Variants in RAB38 observed in about 807,000 individuals in gnomAD.
RAB38 encodes the protein RAB38, member RAS oncogene family.
Under a neutral mutation model 18.4 loss-of-function variants are expected in RAB38, and 15 were observed. The ratio of observed to expected loss-of-function variants is 0.82; its 90% CI spans 0.55 to 1.26. RAB38 has a LOEUF of 1.26. Among genes scored for constraint, RAB38 ranks in the 50% most tolerant of loss-of-function variants. The pLI is 0.00. For missense variants in RAB38, 294 were observed against 267.4 expected, an observed-to-expected ratio of 1.10 and a Z score of -0.69; for synonymous variants, 101 against 104.4, an observed-to-expected ratio of 0.97 and a Z score of 0.20.
chr11:88,151,722 T>A (rs573246307), intron 1 of RAB38, among the ~76,000 whole-genome samples: 11 of 152,340 alleles, frequency 7.2e-5, no homozygotes, highest in Admixed American at 6.5e-4. Context: ...TAAGTTTTAA[T>A]TCAAGTTAGC....
chr11:87,860,433 A>G, the RAB38 span, among the ~76,000 whole-genome samples: 2 of 152,150 alleles, frequency 1.3e-5, no homozygotes, highest in South Asian at 2.1e-4. Flanking sequence ...AAGTTTACAG[A>G]ATAATTGATA....
intron 2 of RAB38, among the ~76,000 whole-genome samples, chr11:88,135,608 T>G (rs899381284): frequency 2.0e-5 from 3 of 152,214 alleles, no homozygotes; most frequent in Non-Finnish European, 4.4e-5. Flanking sequence ...TCAACTCTGA[T>G]AGTTTGCATT....
chr11:88,035,025 G>A, the RAB38 span, among the ~76,000 whole-genome samples: 1 of 152,130 alleles, frequency 6.6e-6, no homozygotes, highest in Non-Finnish European at 1.5e-5. Context: ...CACTTTCTCT[G>A]GATGTGTAGT....
chr11:87,859,347 G>A, the RAB38 span, among the ~76,000 whole-genome samples: 17 of 151,840 alleles, frequency 1.1e-4, no homozygotes, highest in African/African-American at 3.9e-4. Flanking sequence ...GAAAAAGGGT[G>A]GTTTGTAAAA....
chr11:88,046,222 G>C, the RAB38 span, among the ~76,000 whole-genome samples: 4 of 152,060 alleles, frequency 2.6e-5, no homozygotes, highest in African/African-American at 9.7e-5. Context: ...TGTTATCACT[G>C]GCCTGCTACA....
At chr11:87,949,588 TATCTTTGTTCTCATTGGTTTCAAAGAAC>T in the RAB38 span, among the ~76,000 whole-genome samples, 1 of 152,240 alleles carries the variant, frequency 6.6e-6, no homozygotes, top group African/African-American at 2.4e-5. Flanking sequence ...TGGTATGTTG[TATCTTTGTTCTCATTGGTTTCAAAGAAC>T]ATCTTTATTT....
chr11:87,857,882 T>A, the RAB38 span, among the ~76,000 whole-genome samples: 149 of 152,334 alleles, frequency 9.8e-4, no homozygotes, highest in African/African-American at 3.5e-3. Flanking sequence ...ATCCCATTTG[T>A]CAATTTTGGC....
chr11:88,130,820 A>G (rs1037560282), intron 2 of RAB38, among the ~76,000 whole-genome samples: 3 of 152,192 alleles, frequency 2.0e-5, no homozygotes, highest in Non-Finnish European at 4.4e-5. Flanking sequence ...GAAGTCATAA[A>G]AGGCATACTT....
chr11:87,943,746 G>T, the RAB38 span, among the ~76,000 whole-genome samples: 1 of 152,024 alleles, frequency 6.6e-6, no homozygotes, highest in South Asian at 2.1e-4. Context: ...GAAGGATGTG[G>T]CAGTTTTTCA....
the RAB38 span, among the ~76,000 whole-genome samples, chr11:87,806,722 T>C: frequency 1.3e-5 from 2 of 152,204 alleles, no homozygotes; most frequent in Non-Finnish European, 1.5e-5. Context: ...CAGAGTAAGG[T>C]AAAATATTTA....
At chr11:88,062,432 T>C in the RAB38 span, among the ~76,000 whole-genome samples, 1 of 152,230 alleles carries the variant, frequency 6.6e-6, no homozygotes, top group Non-Finnish European at 1.5e-5. Context: ...CTTTTCTTTA[T>C]AAATTACCCA....
chr11:87,937,296 C>A, the RAB38 span, among the ~76,000 whole-genome samples: 2 of 119,780 alleles, frequency 1.7e-5, no homozygotes, highest in African/African-American at 6.4e-5. Context: ...CCTCAAATAA[C>A]TTTTACTTGG....
At chr11:87,976,550 A>G in the RAB38 span, among the ~76,000 whole-genome samples, 11 of 126,408 alleles carry the variant, frequency 8.7e-5, no homozygotes, top group South Asian at 2.3e-4. Flanking sequence ...TATATTTTAT[A>G]TATACTTATA....
At chr11:88,033,725 C>CTTTTTTTTTTT in the RAB38 span, among the ~76,000 whole-genome samples, 1 of 101,120 alleles carries the variant, frequency 9.9e-6, no homozygotes, top group African/African-American at 3.9e-5. Context: ...GTTGTGTTGC[C>CTTTTTTTTTTT]TTTTTTTTTT....
At chr11:87,957,011 C>T in the RAB38 span, among the ~76,000 whole-genome samples, 16 of 151,842 alleles carry the variant, frequency 1.1e-4, no homozygotes, top group East Asian at 1.4e-3. Flanking sequence ...TCCTCATTTC[C>T]GAACGCTCTC....
chr11:88,137,092 A>C (rs561828471), intron 2 of RAB38, among the ~76,000 whole-genome samples: 141 of 152,362 alleles, frequency 9.3e-4, no homozygotes, highest in Non-Finnish European at 1.5e-3. Flanking sequence ...AGTGGGAAAG[A>C]AGAGTTTTTC....
At chr11:88,092,642 T>C in the RAB38 span, among the ~76,000 whole-genome samples, 1 of 151,764 alleles carries the variant, frequency 6.6e-6, no homozygotes, top group Non-Finnish European at 1.5e-5. Context: ...GTGCAAAATA[T>C]CTGAACCATG....
chr11:88,143,581 G>A (rs756640577), intron 2 of RAB38, among the ~76,000 whole-genome samples: 10 of 152,214 alleles, frequency 6.6e-5, no homozygotes, highest in Non-Finnish European at 1.3e-4. Context: ...AGAACCTACA[G>A]AAGATTCTTG....
the RAB38 span, among the ~76,000 whole-genome samples, chr11:87,814,008 T>TG: frequency 1.2e-4 from 18 of 152,312 alleles, 1 homozygote; most frequent in African/African-American, 4.1e-4. Flanking sequence ...GATGCTTGCA[T>TG]GTGTAATCTT....
Sources: allele counts gnomAD v4.1 joint callset (sites outside exome capture counted in the v4.1 genomes callset), GRCh38; gene constraint gnomAD v4.1.1; transcripts MANE v1.5; gene names NCBI Gene and HGNC (gene_info 2026-07-23, HGNC 2026-07-21).